RAD51B: variants seen among roughly 807,000 people sequenced by gnomAD.
RAD51B encodes RAD51 paralog B.
RAD51B carries 38 observed loss-of-function variants against 42.2 expected under a neutral mutation model. The ratio of observed to expected loss-of-function variants is 0.90; its 90% CI spans 0.70 to 1.18. The LOEUF is 1.18. Ranked by LOEUF, RAD51B falls within the 50% of genes most tolerant of loss-of-function variation. The pLI is 0.00. For missense variants in RAD51B, 373 were observed against 400.7 expected, an observed-to-expected ratio of 0.93 and a Z score of 0.59; for synonymous variants, 154 against 145.2, an observed-to-expected ratio of 1.06 and a Z score of -0.43.
intron 5 of RAD51B, among the ~76,000 whole-genome samples, chr14:67,866,094 G>GAAT (rs1195175337): frequency 6.6e-6 from 1 of 152,172 alleles, no homozygotes; most frequent in Admixed American, 6.5e-5. Flanking sequence ...GCAATTAGCA[G>GAAT]AATCCAAACT....
At chr14:67,985,094 TAAA>T (rs2075160686) in intron 7 of RAD51B, among the ~76,000 whole-genome samples, 1 of 152,192 alleles carries the variant, frequency 6.6e-6, no homozygotes, top group African/African-American at 2.4e-5. Context: ...TTCATGGAGT[TAAA>T]AAAATTATTT....
In RAD51B at chr14:68,632,968, C is replaced by CTTTTTTTTTTTT. The variant is rs397852024; in HGVS notation, c.1037-17793_1037-17782dup. Among the ~76,000 whole-genome samples the CTTTTTTTTTTTT allele has an allele frequency of 2.1e-3, 124 of 59,436 alleles. 1 individual carries two copies. The highest frequency in any genetic ancestry group is 3.0e-3 in the Non-Finnish European group (101 of 33,750). The allele number at this position is 59,436 out of a possible 152,430, so 39.0% of individuals were successfully genotyped here. The stretch of plus-strand genomic sequence containing the variant: ...TTTTTTCTTTTTTCTTTTTCTTTTT[C>CTTTTTTTTTTTT]TTTTTTTTTTTTTTTTTTTTTTTTT... On this transcript the variant is annotated intron_variant, in intron 10 of 11. Transcript: ENST00000488612.
intron 7 of RAD51B, among the ~76,000 whole-genome samples, chr14:68,158,190 G>A (rs1481314557): frequency 6.6e-6 from 1 of 152,074 alleles, no homozygotes; most frequent in African/African-American, 2.4e-5. Context: ...AGGAACCATT[G>A]TATGAATCGG....
At chr14:68,663,032 G>A (rs1235276148) in intron 11 of RAD51B, among the ~76,000 whole-genome samples, 1 of 152,264 alleles carries the variant, frequency 6.6e-6, no homozygotes, top group Non-Finnish European at 1.5e-5. Flanking sequence ...CAGGCGTGGT[G>A]GGTCACCCCT....
At chr14:68,405,067 T>C (rs1415470544) in intron 8 of RAD51B, among the ~76,000 whole-genome samples, 1 of 152,162 alleles carries the variant, frequency 6.6e-6, no homozygotes, top group East Asian at 1.9e-4. Context: ...TAACTAACCA[T>C]GTGAACTGGA....
intron 8 of RAD51B, among the ~76,000 whole-genome samples, chr14:68,378,663 G>A (rs1488360288): frequency 1.4e-5 from 2 of 147,384 alleles, no homozygotes; most frequent in Non-Finnish European, 3.0e-5. Context: ...TATTTTTATT[G>A]TTATATTGTT....
At chr14:68,555,396 C>T (rs1033226176) in intron 10 of RAD51B, among the ~76,000 whole-genome samples, 3 of 152,306 alleles carry the variant, frequency 2.0e-5, no homozygotes, top group South Asian at 2.1e-4. Flanking sequence ...GTACATGAAA[C>T]GCGCCAGAGT....
chr14:68,046,186 C>T (rs2076296878), intron 7 of RAD51B, among the ~76,000 whole-genome samples: 1 of 152,154 alleles, frequency 6.6e-6, no homozygotes. Context: ...TGCAGTGGCA[C>T]AATCATGGCT....
At chr14:67,902,671 A>G (rs1296704318) in intron 7 of RAD51B, among the ~76,000 whole-genome samples, 2 of 152,184 alleles carry the variant, frequency 1.3e-5, no homozygotes, top group East Asian at 1.9e-4. Context: ...GATGAACTCT[A>G]TCCACTAAAT....
intron 10 of RAD51B, among the ~76,000 whole-genome samples, chr14:68,495,975 G>A (rs372947225): frequency 1.8e-4 from 28 of 152,210 alleles, no homozygotes; most frequent in African/African-American, 3.6e-4. Context: ...TCCATGTACC[G>A]AAACCCAGCT....
chr14:68,054,199 T>G (rs1023655753), intron 7 of RAD51B, among the ~76,000 whole-genome samples: 1 of 152,164 alleles, frequency 6.6e-6, no homozygotes, highest in African/African-American at 2.4e-5. Context: ...GTAATGGCCT[T>G]TATAACAAGT....
intron 7 of RAD51B, among the ~76,000 whole-genome samples, chr14:68,081,374 T>G (rs1281432751): frequency 6.6e-6 from 1 of 152,158 alleles, no homozygotes; most frequent in Non-Finnish European, 1.5e-5. Flanking sequence ...AGGAGCCTCT[T>G]CAGCTTTCCT....
intron 10 of RAD51B, among the ~76,000 whole-genome samples, chr14:68,516,314 G>A (rs991719886): frequency 2.6e-5 from 4 of 151,880 alleles, no homozygotes; most frequent in East Asian, 1.9e-4. Flanking sequence ...CCATTTAAAC[G>A]TTAAAAATAA....
At chr14:67,992,551 C>G (rs940268727) in intron 7 of RAD51B, among the ~76,000 whole-genome samples, 16 of 152,134 alleles carry the variant, frequency 1.1e-4, no homozygotes, top group African/African-American at 3.4e-4. Context: ...GGTGTGTTTC[C>G]TACTTGTTTA....
At chr14:68,410,151 C>T (rs2084379093) in intron 8 of RAD51B, among the ~76,000 whole-genome samples, 1 of 152,148 alleles carries the variant, frequency 6.6e-6, no homozygotes, top group Non-Finnish European at 1.5e-5. Flanking sequence ...CAGCCTCTAC[C>T]CTCTAGATGC....
At chr14:68,678,391 C>T (rs761130002) in intron 11 of RAD51B, among the ~76,000 whole-genome samples, 44 of 152,230 alleles carry the variant, frequency 2.9e-4, no homozygotes, top group Admixed American at 1.6e-3. Flanking sequence ...GTGAGGATGA[C>T]TCACTTTACG....
In RAD51B at chr14:68,042,112, C is replaced by T. The variant is rs192942619; in HGVS notation, c.756+154908C>T. On this transcript the variant is annotated intron_variant, in intron 7 of 10. Coordinates refer to ENST00000471583, the MANE Select transcript of RAD51B (RefSeq NM_133510.4). ...GTATACTGTCTGTGTGATTTTTTCACAGAGTTTCCCTTTGAATTTTATGTC... is the reference window on the plus strand; with the variant it reads ...GTATACTGTCTGTGTGATTTTTTCATAGAGTTTCCCTTTGAATTTTATGTC... 6.6e-5 allele frequency among the ~76,000 whole-genome samples: 10 copies of T among 152,312 alleles called. No homozygotes were observed. In the East Asian group the frequency reaches 1.9e-3, roughly 29 times the overall value.
intron 8 of RAD51B, among the ~76,000 whole-genome samples, chr14:68,300,221 C>T (rs1189412304): frequency 1.3e-5 from 2 of 151,988 alleles, no homozygotes; most frequent in African/African-American, 4.8e-5. Context: ...GCATCTTCTC[C>T]TTCTTCCATT....
At position 67,887,032 on chromosome 14, in the gene RAD51B, T is replaced by C. The variant is rs905808360; in HGVS notation, c.584T>C (p.Leu195Ser). The change falls in exon 7 of 11, where the codon TTG becomes TCG. Residue 195 changes from leucine (L) to serine (S), a missense_variant. Transcript: ENST00000471583. Reference sequence around the variant, plus strand: ...TTCTTCTTTTATAGGATTGAATCTTTGGAAGAAGAAATTATCTCAAAAGGA... The same window carrying C: ...TTCTTCTTTTATAGGATTGAATCTTCGGAAGAAGAAATTATCTCAAAAGGA... ...CDEVLQRIES[L>S]EEEIISKGIK... 6.7e-7 allele frequency: 1 copy of C among 1,501,040 alleles called. No homozygotes were observed. Among genetic ancestry groups the C allele is most frequent in the South Asian group, 1.3e-5 (1 of 79,728 alleles). The allele number at this position is 1,501,040 out of a possible 1,614,324, so 93.0% of individuals were successfully genotyped here. A position where few individuals can be genotyped will look rare whatever the true frequency, so the allele number is the denominator to read the frequency against.
Sources: gnomAD v4.1 joint callset for allele counts (sites outside exome capture counted in the v4.1 genomes callset) on GRCh38, gnomAD v4.1.1 for gene constraint, MANE v1.5 for transcripts, NCBI Gene and HGNC (gene_info 2026-07-23, HGNC 2026-07-21) for gene names.